Variants in DNAAF9 observed in about 807,000 individuals in gnomAD.
The protein encoded by DNAAF9 is shulin.
In DNAAF9, 90 loss-of-function variants were observed where a neutral mutation model predicts 167.0. The observed-to-expected ratio is 0.54, with a 90% CI of 0.45 to 0.64. DNAAF9 has a LOEUF of 0.64. Ranked by LOEUF, DNAAF9 falls within the 30% of genes least tolerant of loss-of-function variation. DNAAF9 has a pLI of 0.00. For missense variants in DNAAF9, 1,315 were observed against 1,442.2 expected, an observed-to-expected ratio of 0.91 and a Z score of 1.43; for synonymous variants, 491 against 508.8, an observed-to-expected ratio of 0.96 and a Z score of 0.47.
At chr20:3,340,431 G>GCCCCCCCCCCC in intron 10 of DNAAF9, 73 bp downstream of exon 10, 1 of 280,492 alleles carries the variant, frequency 3.6e-6, no homozygotes, top group South Asian at 3.7e-5. Flanking sequence ...TTTTTGTCTA[G>GCCCCCCCCCCC]CTCCCCCCAC....
chr20:3,304,798 G>C (rs2069260238), intron 20 of DNAAF9, among the ~76,000 whole-genome samples: 1 of 152,186 alleles, frequency 6.6e-6, no homozygotes, highest in African/African-American at 2.4e-5. Flanking sequence ...CTAATGGGGA[G>C]AAGCAAAATT....
chr20:3,349,538 T>C (rs1208939841), intron 7 of DNAAF9, among the ~76,000 whole-genome samples: 2 of 152,090 alleles, frequency 1.3e-5, no homozygotes, highest in East Asian at 3.9e-4. Flanking sequence ...TTGACTTTAG[T>C]TAAAGGGAAG....
chr20:3,322,588 C>T, intron 15 of DNAAF9, 64 bp downstream of exon 15: 2 of 1,231,176 alleles, frequency 1.6e-6, no homozygotes, highest in South Asian at 2.4e-5. Flanking sequence ...TGTCAGCAGC[C>T]TCCCCTCTCT....
intron 16 of DNAAF9, among the ~76,000 whole-genome samples, chr20:3,321,731 C>G (rs2326180): frequency 0.87 from 132,386 of 152,120 alleles, 57,883 homozygotes; most frequent in East Asian, 1. Flanking sequence ...ACCACACCTG[C>G]CTAATTAAAA....
chr20:3,274,772 C>T (rs1480032466), intron 29 of DNAAF9, among the ~76,000 whole-genome samples: 2 of 152,228 alleles, frequency 1.3e-5, no homozygotes, highest in Non-Finnish European at 2.9e-5. Context: ...AATTAGACTT[C>T]TCCCTGTACA....
At chr20:3,266,934 G>A (rs1049719863) in intron 30 of DNAAF9, among the ~76,000 whole-genome samples, 13 of 149,578 alleles carry the variant, frequency 8.7e-5, no homozygotes, top group African/African-American at 3.2e-4. Flanking sequence ...CTCACTGCAA[G>A]CTCCGCCTCC....
Position 3,375,056 on chromosome 20 carries a change from C to A in DNAAF9, c.479G>T (p.Arg160Ile). ...TTGGGAGCTGTAAGGAATGCCAATT[C>A]TACTACAGTCTCGAACCATGTCCAC... ...SFVDMVRDCSRIGIPYSSQGH... is the reference protein window; with the variant it reads ...SFVDMVRDCSIIGIPYSSQGH... Residue 160 changes from arginine to isoleucine, a missense_variant, in exon 5 of 37, where the codon AGA becomes ATA. Physicochemically the swap from Arg to Ile is moderately conservative, Grantham distance 97. Around this residue, in one of 2 missense-constraint regions of DNAAF9, gnomAD observed 981 missense variants for 1,012.5 expected, o/e 0.97. Coordinates refer to ENST00000252032, the MANE Select transcript of DNAAF9 (RefSeq NM_001009984.3). The A allele has an allele frequency of 1.9e-6, 3 of 1,608,348 alleles. No homozygotes were observed. The highest frequency in any genetic ancestry group is 2.6e-6 in the Non-Finnish European group (3 of 1,174,832).
At chr20:3,390,361 T>C (rs887726496) in intron 1 of DNAAF9, among the ~76,000 whole-genome samples, 2 of 151,292 alleles carry the variant, frequency 1.3e-5, no homozygotes, top group Non-Finnish European at 2.9e-5. Context: ...TTCATTGTAC[T>C]ATTCTCTCAC....
chr20:3,288,565 C>T (rs996782861), intron 26 of DNAAF9, among the ~76,000 whole-genome samples: 1 of 152,188 alleles, frequency 6.6e-6, no homozygotes, highest in African/African-American at 2.4e-5. Flanking sequence ...CCTGTATTTC[C>T]CAAGCATTGC....
chr20:3,291,623 G>C (rs369978960), intron 25 of DNAAF9, among the ~76,000 whole-genome samples: 1 of 152,078 alleles, frequency 6.6e-6, no homozygotes, highest in Non-Finnish European at 1.5e-5. Context: ...GATTACAGGC[G>C]TGAGCCACCA....
At chr20:3,296,608 T>C (rs1245288111) in intron 23 of DNAAF9, 1 of 454,656 alleles carries the variant, frequency 2.2e-6, no homozygotes, top group African/African-American at 2.0e-5. Flanking sequence ...CTCTAATTCT[T>C]GTGCTCAATT....
chr20:3,359,371 A>C (rs2083330269), intron 7 of DNAAF9, 145 bp downstream of exon 7: 1 of 642,050 alleles, frequency 1.6e-6, no homozygotes, highest in East Asian at 3.0e-5. Flanking sequence ...AAGGAATTCA[A>C]GACAATAATC....
intron 27 of DNAAF9, among the ~76,000 whole-genome samples, chr20:3,285,022 C>T (rs985008896): frequency 4.6e-5 from 7 of 152,166 alleles, no homozygotes; most frequent in Non-Finnish European, 7.4e-5. Context: ...TCCTGCCCTC[C>T]ACTCCCATTC....
chr20:3,264,641 C>T, intron 30 of DNAAF9, 117 bp from the exon 31 acceptor site: 2 of 665,280 alleles, frequency 3.0e-6, no homozygotes, highest in Non-Finnish European at 5.4e-6. Context: ...GCAATCTTGG[C>T]TCATTGCAAC....
intron 26 of DNAAF9, 104 bp from the exon 27 acceptor site, chr20:3,287,894 G>T (rs576323449): frequency 1.4e-5 from 14 of 1,013,556 alleles, no homozygotes; most frequent in Admixed American, 7.8e-5. Context: ...AAGCCATTCT[G>T]CCCAGTGAAT....
In DNAAF9 at chr20:3,407,482, A is replaced by G; in HGVS notation, c.76T>C (p.Ser26Pro). 2 of 1,304,386 alleles carry G rather than the reference A, an allele frequency of 1.5e-6. No homozygotes were observed. The highest frequency in any genetic ancestry group is 2.3e-5 in the South Asian group (1 of 43,606). 80.8% of individuals were successfully genotyped at this position (1,304,386 alleles called of 1,614,324 possible). A position where few individuals can be genotyped will look rare whatever the true frequency, so the allele number is the denominator to read the frequency against. The change falls in exon 1 of 37, where the codon TCC becomes CCC. Residue 26 changes from serine (S) to proline (P), a missense_variant. Ser to Pro is a moderately conservative substitution (Grantham distance 74, BLOSUM62 -1). This residue lies in a region of DNAAF9 where 981 missense variants were observed against 1,012.5 expected (regional missense o/e 0.97). Coordinates refer to ENST00000252032, the MANE Select transcript of DNAAF9 (RefSeq NM_001009984.3). ...SPGGSSRGSP[S>P]VSCSRLRQVQ... ...TGCCTCTGCCCCGCGTACCTGACGG[A>G]GGGTGACCCGCGGCTGGAGCCGCCA... is the stretch of plus-strand genomic sequence containing the variant.
intron 11 of DNAAF9, 36 bp from the exon 12 acceptor site, chr20:3,330,718 A>G: frequency 7.0e-7 from 1 of 1,431,004 alleles, no homozygotes; most frequent in South Asian, 1.2e-5. Flanking sequence ...TGACAAGAGC[A>G]CAGGATATGC....
At chr20:3,310,333 A>AAAAGAAAGAAAAAG (rs1555790604) in intron 20 of DNAAF9, among the ~76,000 whole-genome samples, 1 of 106,098 alleles carries the variant, frequency 9.4e-6, no homozygotes, top group African/African-American at 3.7e-5. Flanking sequence ...AAGAGAAAGA[A>AAAAGAAAGAAAAAG]AAAGAAAGAA....
intron 30 of DNAAF9, among the ~76,000 whole-genome samples, chr20:3,266,265 T>TTG (rs2068488210): frequency 2.0e-5 from 3 of 152,208 alleles, no homozygotes; most frequent in Non-Finnish European, 4.4e-5. Flanking sequence ...TCAACATAGG[T>TTG]ATACCAGACC....
Sources: allele counts gnomAD v4.1 joint callset (sites outside exome capture counted in the v4.1 genomes callset), GRCh38; gene constraint gnomAD v4.1.1; regional missense constraint gnomAD v4.1.1; transcripts MANE v1.5; gene names NCBI Gene and HGNC (gene_info 2026-07-23, HGNC 2026-07-21).